VSNL1: variants seen among roughly 807,000 people sequenced by gnomAD.
VSNL1 encodes visinin like 1.
VSNL1 carries 6 observed loss-of-function variants against 20.4 expected under a neutral mutation model. The observed-to-expected ratio is 0.29, with a 90% confidence interval of 0.16 to 0.58. The LOEUF is 0.58. VSNL1 is among the 20% of genes least tolerant of loss of function. The probability of loss-of-function intolerance (pLI) is 0.90; values close to 1 mark genes in which losing one functional copy is unlikely to be tolerated. For missense variants in VSNL1, 100 were observed against 234.5 expected (o/e 0.43, Z 3.75); for synonymous variants, 93 against 86.4 (o/e 1.08, Z -0.42).
In VSNL1 at chr2:17,634,979, CACAT is replaced by C. The variant is rs1017394856; in HGVS notation, c.163-14419_163-14416del. On this transcript the variant is annotated intron_variant, in intron 2 of 3. Coordinates refer to ENST00000295156, the MANE Select transcript of VSNL1 (RefSeq NM_003385.5). This position sits in a 1 kb window ranked among gnomAD's most constrained non-coding sequence, Gnocchi z 4.3. ...ACACACGTACACACACATACATGTG[CACAT>C]ACATACATACACACTTGGCTCAGGG... 1.2e-4 allele frequency among the ~76,000 whole-genome samples: 18 copies of C among 152,280 alleles called. No homozygotes were observed. The highest frequency in any genetic ancestry group is 3.4e-4 in the African/African-American group (14 of 41,554).
Position 17,637,169 on chromosome 2 carries a change from G to T in VSNL1, c.163-12241G>T, listed in dbSNP as rs1324345602. Among the ~76,000 whole-genome samples the T allele has an allele frequency of 2.0e-5, 3 of 152,310 alleles. No individual in the cohort carries two copies. The East Asian group carries it at 5.8e-4, about 29-fold the overall frequency. ...GGCTGGGAGAACTCTCCCAGTGGAG[G>T]CATCTTTATTCATGAACCTGGCCCA... On this transcript the variant is annotated intron_variant, in intron 2 of 3. Transcript: ENST00000295156.
chr2:17,578,781 TTGCTG>T (rs1418324907), intron 1 of VSNL1, among the ~76,000 whole-genome samples: 1 of 152,240 alleles, frequency 6.6e-6, no homozygotes, highest in African/African-American at 2.4e-5. Flanking sequence ...TGTTCCAGCC[TTGCTG>T]GATACTTCAC....
intron 1 of VSNL1, among the ~76,000 whole-genome samples, chr2:17,542,216 T>G (rs947711624): frequency 1.3e-5 from 2 of 149,792 alleles, no homozygotes; most frequent in African/African-American, 4.9e-5. Flanking sequence ...TGTGTGTGTG[T>G]GGTGGGGGGG....
chr2:17,637,547 C>G (rs1470874177), intron 2 of VSNL1, among the ~76,000 whole-genome samples: 1 of 152,124 alleles, frequency 6.6e-6, no homozygotes, highest in Non-Finnish European at 1.5e-5. Flanking sequence ...AGCCCCCAAC[C>G]CCACCCCAGG....
intron 3 of VSNL1, among the ~76,000 whole-genome samples, chr2:17,652,165 T>C (rs1057277510): frequency 6.6e-6 from 1 of 151,906 alleles, no homozygotes; most frequent in African/African-American, 2.4e-5. Context: ...AGAGGACATA[T>C]CAGAGTATAA....
chr2:17,561,657 C>A (rs1221447399), intron 1 of VSNL1, among the ~76,000 whole-genome samples: 1 of 152,176 alleles, frequency 6.6e-6, no homozygotes, highest in Non-Finnish European at 1.5e-5. Context: ...AGTTTGGAGG[C>A]TATTGCAGTT....
intron 2 of VSNL1, among the ~76,000 whole-genome samples, chr2:17,620,701 G>C (rs532124220): frequency 3.3e-5 from 5 of 152,266 alleles, no homozygotes; most frequent in Non-Finnish European, 5.9e-5. Context: ...ACCCACTATT[G>C]TCTTTTATCG....
At chr2:17,654,491 G>A (rs865851843) in intron 3 of VSNL1, among the ~76,000 whole-genome samples, 1 of 151,936 alleles carries the variant, frequency 6.6e-6, no homozygotes, top group South Asian at 2.1e-4. Flanking sequence ...ACTGTTTCCT[G>A]CACCTAGATG....
intron 3 of VSNL1, among the ~76,000 whole-genome samples, chr2:17,650,624 C>T (rs556067982): frequency 2.4e-4 from 36 of 152,348 alleles, no homozygotes; most frequent in African/African-American, 7.7e-4. Context: ...TGGGGGGATG[C>T]CCCATCCAGA....
intron 1 of VSNL1, 90 bp downstream of exon 1, chr2:17,541,008 G>A (rs925101752): frequency 6.6e-6 from 1 of 151,670 alleles, no homozygotes; most frequent in Non-Finnish European, 1.5e-5. Flanking sequence ...CACATACTTT[G>A]CTTTGCATAG....
intron 1 of VSNL1, among the ~76,000 whole-genome samples, chr2:17,575,650 C>T (rs1664192800): frequency 6.6e-6 from 1 of 152,082 alleles, no homozygotes; most frequent in African/African-American, 2.4e-5. Flanking sequence ...ATTCTCCTGC[C>T]TCAGACTCCC....
chr2:17,597,636 C>G (rs771993665), intron 2 of VSNL1, among the ~76,000 whole-genome samples: 16 of 152,148 alleles, frequency 1.1e-4, no homozygotes, highest in Non-Finnish European at 2.1e-4. Flanking sequence ...TTCCCTGTCC[C>G]TCTAGGTGGT....
chr2:17,577,026 A>G (rs1664230264), intron 1 of VSNL1, among the ~76,000 whole-genome samples: 1 of 152,262 alleles, frequency 6.6e-6, no homozygotes. Flanking sequence ...ATAGCCTACT[A>G]CACACCTGCC....
chr2:17,630,450 C>G (rs1665605274), intron 2 of VSNL1, among the ~76,000 whole-genome samples: 1 of 152,236 alleles, frequency 6.6e-6, no homozygotes, highest in South Asian at 2.1e-4. Flanking sequence ...AATAGGAAGA[C>G]TCAGTGCTGC....
chr2:17,592,975 A>G (rs1664629902), intron 2 of VSNL1, among the ~76,000 whole-genome samples: 2 of 152,130 alleles, frequency 1.3e-5, no homozygotes, highest in African/African-American at 4.8e-5. Context: ...TACTTATGTA[A>G]TGTTACACAA....
At chr2:17,546,594 T>G (rs1294848144) in intron 1 of VSNL1, among the ~76,000 whole-genome samples, 2 of 152,024 alleles carry the variant, frequency 1.3e-5, no homozygotes, top group Non-Finnish European at 2.9e-5. Context: ...ATATTTTGCA[T>G]TGGTTTTAGT....
chr2:17,577,731 C>T (rs939316866), intron 1 of VSNL1, among the ~76,000 whole-genome samples: 1 of 152,094 alleles, frequency 6.6e-6, no homozygotes, highest in Admixed American at 6.5e-5. Context: ...CCCCAGAGTT[C>T]CCTCACTTGG....
intron 1 of VSNL1, among the ~76,000 whole-genome samples, chr2:17,552,661 T>C (rs75601999): frequency 0.035 from 5,377 of 152,252 alleles, 350 homozygotes; most frequent in African/African-American, 0.12. Context: ...ACAATAGTAT[T>C]AGCACAGCAA....
chr2:17,579,996 CAG>C (rs1664313601), intron 1 of VSNL1, among the ~76,000 whole-genome samples: 1 of 152,180 alleles, frequency 6.6e-6, no homozygotes, highest in Admixed American at 6.5e-5. Context: ...TGCTGGGAGT[CAG>C]AGTCCCTGAC....
Sources: gnomAD v4.1 joint callset for allele counts (sites outside exome capture counted in the v4.1 genomes callset) on GRCh38, gnomAD v4.1.1 for gene constraint, Gnocchi (gnomAD v3.1) non-coding constraint, MANE v1.5 for transcripts, NCBI Gene and HGNC (gene_info 2026-07-23, HGNC 2026-07-21) for gene names.